The following DAB1 variants were observed in gnomAD, a reference collection of about 807,000 sequenced individuals.
DAB1 encodes disabled homolog 1.
DAB1 carries 15 observed loss-of-function variants against 64.6 expected under a neutral mutation model. That is an observed-to-expected ratio of 0.23 (90% CI 0.16 to 0.36). The LOEUF (loss-of-function observed/expected upper bound fraction) is 0.36. DAB1 is among the 10% of genes least tolerant of loss of function. The pLI, the probability that DAB1 is intolerant of heterozygous loss-of-function variation, is 1.00. For missense variants in DAB1, 596 were observed against 706.7 expected, an observed-to-expected ratio of 0.84 and a Z score of 1.78; for synonymous variants, 235 against 251.9, an observed-to-expected ratio of 0.93 and a Z score of 0.64.
intron 1 of DAB1, among the ~76,000 whole-genome samples, chr1:57,357,004 A>T (rs1218691437): frequency 2.4e-4 from 36 of 151,942 alleles, no homozygotes; most frequent in Admixed American, 2.4e-3. Context: ...TAATGACCCT[A>T]TCCTATAGGG....
At chr1:58,503,438 AT>A (rs1378285842) in intron 3 of DAB1, among the ~76,000 whole-genome samples, 2 of 151,604 alleles carry the variant, frequency 1.3e-5, no homozygotes, top group Non-Finnish European at 1.5e-5. Context: ...TCTTTCTCAA[AT>A]TTTTTTTTCA....
intron 2 of DAB1, among the ~76,000 whole-genome samples, chr1:58,518,714 CA>C (rs1646212884): frequency 6.6e-6 from 1 of 151,622 alleles, no homozygotes; most frequent in Non-Finnish European, 1.5e-5. Flanking sequence ...AAAGGGAGAC[CA>C]GAAGAAAAAC....
intron 1 of DAB1, among the ~76,000 whole-genome samples, chr1:57,406,351 A>T (rs1316784569): frequency 6.6e-6 from 1 of 152,132 alleles, no homozygotes; most frequent in Admixed American, 6.5e-5. Context: ...TACTTCGACA[A>T]ATATCTCTTT....
chr1:57,893,326 G>T (rs1392892604), intron 5 of DAB1, among the ~76,000 whole-genome samples: 2 of 152,064 alleles, frequency 1.3e-5, no homozygotes, highest in Non-Finnish European at 2.9e-5. Context: ...TTATTTTCTA[G>T]GGGAGAAAAT....
At chr1:58,002,626 A>G (rs986730637) in intron 5 of DAB1, among the ~76,000 whole-genome samples, 7 of 152,164 alleles carry the variant, frequency 4.6e-5, no homozygotes, top group Non-Finnish European at 1.5e-5. Context: ...TTAGTTACCT[A>G]TAACAAAGAA....
chr1:58,239,182 C>T lies in DAB1; in HGVS notation n.310-88594G>A, dbSNP rs76709084. 2.8e-3 allele frequency among the ~76,000 whole-genome samples: 429 copies of T among 152,324 alleles called. 6 individuals carry two copies. The highest frequency in any genetic ancestry group is 9.6e-3 in the African/African-American group (399 of 41,578). ...ACCTAATTGACATGATACAACAGCT[C>T]CTCTTCTTCTGTCTTTCAGAGCTTC... On this transcript the variant is annotated intron_variant and non_coding_transcript_variant, in intron 4 of 20. Coordinates refer to the DAB1 transcript ENST00000485760.
chr1:58,224,361 G>A (rs188239898), intron 4 of DAB1, among the ~76,000 whole-genome samples: 2 of 152,296 alleles, frequency 1.3e-5, no homozygotes, highest in Admixed American at 1.3e-4. Context: ...AAAGCTTAAA[G>A]GCAACCTCAC....
chr1:57,352,842 A>G (rs1289172698), intron 1 of DAB1, among the ~76,000 whole-genome samples: 1 of 152,224 alleles, frequency 6.6e-6, no homozygotes, highest in East Asian at 1.9e-4. Context: ...ATAATTGATG[A>G]TTATTTGTGG....
chr1:57,281,936 CT>C (rs1217371458), intron 2 of DAB1, among the ~76,000 whole-genome samples: 2 of 152,032 alleles, frequency 1.3e-5, no homozygotes, highest in Non-Finnish European at 2.9e-5. Context: ...AATCCTAGCA[CT>C]TTGGGAGGCT....
At chr1:57,494,234 G>A (rs1196451968) in intron 7 of DAB1, among the ~76,000 whole-genome samples, 1 of 151,580 alleles carries the variant, frequency 6.6e-6, no homozygotes, top group African/African-American at 2.4e-5. Flanking sequence ...CTAGAGGCAA[G>A]AAGTGTCAAA....
In DAB1 at chr1:58,218,815, T is replaced by C. The variant is rs543034856; in HGVS notation, n.310-68227A>G. Among the ~76,000 whole-genome samples, 5 of 152,284 alleles carry C rather than the reference T, an allele frequency of 3.3e-5. No homozygotes were observed. In the East Asian group the frequency reaches 9.6e-4, roughly 29 times the overall value. ...TTTACTCACAGAGAGAAAAGTCCAT[T>C]TCCCCAACTTCCTGAGACACACATC... is the stretch of plus-strand genomic sequence containing the variant. On this transcript the variant is annotated intron_variant and non_coding_transcript_variant, in intron 4 of 20. Coordinates refer to the DAB1 transcript ENST00000485760.
chr1:58,031,105 G>A (rs1646963449), intron 5 of DAB1, among the ~76,000 whole-genome samples: 1 of 152,204 alleles, frequency 6.6e-6, no homozygotes, highest in Non-Finnish European at 1.5e-5. Flanking sequence ...AGTGAACAAA[G>A]TGGAGAGAAG....
intron 7 of DAB1, among the ~76,000 whole-genome samples, chr1:57,586,477 TTCTCTC>T (rs10597532): frequency 7.6e-4 from 113 of 148,604 alleles, no homozygotes; most frequent in Middle Eastern, 6.9e-3. Context: ...TTTCTTTCTC[TTCTCTC>T]TCTCTCTCTC....
In DAB1 at chr1:58,479,457, G is replaced by T. The variant is rs185042715; in HGVS notation, n.257+26603C>A. 5.4e-3 allele frequency among the ~76,000 whole-genome samples: 826 copies of T among 152,264 alleles called. 6 individuals are homozygous for T. Among genetic ancestry groups the T allele is most frequent in the African/African-American group, 0.019 (792 of 41,552 alleles). ...CTTAACAACTAGATATTTTGTCCAAGAAGATTTAATAATGTCAGGACACAT... is the reference window on the plus strand; with the variant it reads ...CTTAACAACTAGATATTTTGTCCAATAAGATTTAATAATGTCAGGACACAT... On this transcript the variant is annotated intron_variant and non_coding_transcript_variant, in intron 3 of 20. Transcript: ENST00000485760.
chr1:57,233,966 G>A (rs940931059), intron 2 of DAB1, among the ~76,000 whole-genome samples: 3 of 152,074 alleles, frequency 2.0e-5, no homozygotes, highest in Non-Finnish European at 4.4e-5. Flanking sequence ...TTAGAAGAGA[G>A]GTAGAAAACC....
intron 7 of DAB1, among the ~76,000 whole-genome samples, chr1:57,435,099 A>G (rs1460907331): frequency 8.1e-6 from 1 of 124,062 alleles, no homozygotes; most frequent in Non-Finnish European, 1.6e-5. Context: ...CCCAGGCTGG[A>G]GCGTAGTGGC....
chr1:57,577,115 G>T (rs973044577), intron 7 of DAB1, among the ~76,000 whole-genome samples: 1 of 152,150 alleles, frequency 6.6e-6, no homozygotes, highest in Non-Finnish European at 1.5e-5. Flanking sequence ...TGTAATGCTC[G>T]GGAAAGCAGG....
intron 5 of DAB1, among the ~76,000 whole-genome samples, chr1:57,987,778 G>T (rs1035907775): frequency 6.6e-6 from 1 of 152,168 alleles, no homozygotes; most frequent in East Asian, 1.9e-4. Context: ...TGGTGAAGGA[G>T]TTGGGGGAGG....
At chr1:58,130,648 G>A (rs1420572603) in intron 5 of DAB1, among the ~76,000 whole-genome samples, 2 of 151,810 alleles carry the variant, frequency 1.3e-5, no homozygotes, top group African/African-American at 2.4e-5. Flanking sequence ...TGTAAGGCAG[G>A]CCTGGTGGTG....
Sources: gnomAD v4.1 joint callset for allele counts (sites outside exome capture counted in the v4.1 genomes callset) on GRCh38, gnomAD v4.1.1 for gene constraint, MANE v1.5 for transcripts, NCBI Gene and HGNC (gene_info 2026-07-23, HGNC 2026-07-21) for gene names.